Variants in ACSF3 observed in about 807,000 individuals in gnomAD.
ACSF3 encodes malonate--CoA ligase ACSF3, mitochondrial.
In ACSF3, 78 loss-of-function variants were observed where a neutral mutation model predicts 53.2. The ratio of observed to expected loss-of-function variants is 1.47; its 90% CI spans 1.22 to 1.77. ACSF3 has a LOEUF of 1.77. Among genes scored for constraint, ACSF3 ranks in the 40% most tolerant of loss-of-function variants. ACSF3 has a pLI of 0.00. For synonymous variants in ACSF3, 414 were observed against 333.1 expected, an observed-to-expected ratio of 1.24 and a Z score of -2.65; for missense variants, 937 against 771.1, an observed-to-expected ratio of 1.22 and a Z score of -2.55.
At chr16:89,124,450 G>T (rs537456653) in intron 7 of ACSF3, among the ~76,000 whole-genome samples, 4 of 150,538 alleles carry the variant, frequency 2.7e-5, no homozygotes, top group South Asian at 2.1e-4. Context: ...TGTGATACCC[G>T]TGCGTACTCT....
intron 4 of ACSF3, among the ~76,000 whole-genome samples, chr16:89,104,142 C>T (rs1975692641): frequency 1.3e-5 from 2 of 152,230 alleles, no homozygotes; most frequent in Admixed American, 1.3e-4. Context: ...GTGCGTATGT[C>T]ACAGGTGTGG....
intron 7 of ACSF3, among the ~76,000 whole-genome samples, chr16:89,123,230 G>A (rs534339566): frequency 9.9e-5 from 15 of 152,252 alleles, no homozygotes; most frequent in African/African-American, 2.6e-4. Context: ...TGTGCCCTCC[G>A]ACACCTGAGA....
In ACSF3 at chr16:89,141,197, C is replaced by G. The variant is rs564329047; in HGVS notation, c.1367-4070C>G. The G allele has an allele frequency of 1.6e-4, 208 of 1,287,254 alleles. 5 individuals carry two copies. In the South Asian group the frequency reaches 1.9e-3, roughly 12 times the overall value. 79.7% of individuals were successfully genotyped at this position (1,287,254 alleles called of 1,614,324 possible). On this transcript the variant is annotated intron_variant, in intron 8 of 10. Transcript: ENST00000614302. ...TGTTTAAACCCTGGCTCCGATGCCT[C>G]TGAGCCCTTGATAGCAGCGTCCCAG...
At chr16:89,121,621 C>G (rs1906669987) in intron 7 of ACSF3, among the ~76,000 whole-genome samples, 1 of 152,218 alleles carries the variant, frequency 6.6e-6, no homozygotes, top group Non-Finnish European at 1.5e-5. Flanking sequence ...AGTATCCACA[C>G]CTGATACCAC....
intron 7 of ACSF3, among the ~76,000 whole-genome samples, chr16:89,125,460 A>G (rs1645630195): frequency 6.6e-6 from 1 of 152,178 alleles, no homozygotes; most frequent in African/African-American, 2.4e-5. Flanking sequence ...TGGGAGGCCA[A>G]GGCAGGCTAA....
intron 1 of ACSF3, 35 bp from the exon 2 acceptor site, chr16:89,098,556 C>A: frequency 2.3e-6 from 1 of 432,028 alleles, no homozygotes; most frequent in South Asian, 1.6e-5. Flanking sequence ...GTTATACACA[C>A]AGCCTGGGAC....
chr16:89,135,510 G>A (rs1324998664), intron 8 of ACSF3, among the ~76,000 whole-genome samples: 1 of 152,260 alleles, frequency 6.6e-6, no homozygotes, highest in African/African-American at 2.4e-5. Flanking sequence ...TTCGTGGGCT[G>A]GACATCAGCA....
chr16:89,097,688 T>C (rs1318296856), intron 1 of ACSF3, among the ~76,000 whole-genome samples: 1 of 152,228 alleles, frequency 6.6e-6, no homozygotes, highest in African/African-American at 2.4e-5. Context: ...CCAGTTGTTT[T>C]CTTGCCATTC....
chr16:89,123,533 T>C (rs1907175770), intron 7 of ACSF3, among the ~76,000 whole-genome samples: 1 of 152,176 alleles, frequency 6.6e-6, no homozygotes, highest in Non-Finnish European at 1.5e-5. Flanking sequence ...TCCACTCTTG[T>C]CTGTGCCGAG....
chr16:89,153,736 A>G lies in ACSF3; in HGVS notation c.1614-354A>G, dbSNP rs1227543844. On this transcript the variant is annotated intron_variant, in intron 10 of 10. Coordinates refer to ENST00000614302, the MANE Select transcript of ACSF3 (RefSeq NM_001243279.3). ...GCCACAGAGTGAAATGGGGCCTTCC[A>G]GCTCCAGTGCGGGGACTTGGAAGGC... 3 of 354,232 alleles carry G rather than the reference A, an allele frequency of 8.5e-6. No individual in the cohort carries two copies. The East Asian group carries it at 2.0e-4, about 24-fold the overall frequency. 21.9% of individuals were successfully genotyped at this position (354,232 alleles called of 1,614,324 possible).
At chr16:89,143,940 T>C (rs1912389903) in intron 8 of ACSF3, among the ~76,000 whole-genome samples, 1 of 152,222 alleles carries the variant, frequency 6.6e-6, no homozygotes, top group Admixed American at 6.5e-5. Flanking sequence ...ATTTATGATT[T>C]ATTCCAGCTA....
intron 7 of ACSF3, among the ~76,000 whole-genome samples, chr16:89,123,614 A>G (rs1389673766): frequency 6.6e-6 from 1 of 152,186 alleles, no homozygotes; most frequent in Non-Finnish European, 1.5e-5. Flanking sequence ...GGCCATCCCT[A>G]GGCCTGTGGA....
chr16:89,111,113 G>T (rs2151440774), intron 4 of ACSF3, among the ~76,000 whole-genome samples: 1 of 152,218 alleles, frequency 6.6e-6, no homozygotes, highest in African/African-American at 2.4e-5. Context: ...TCCTTAATCT[G>T]CTTATTGCAG....
intron 4 of ACSF3, among the ~76,000 whole-genome samples, chr16:89,108,704 C>T (rs969422312): frequency 2.6e-5 from 4 of 152,206 alleles, no homozygotes; most frequent in Non-Finnish European, 5.9e-5. Flanking sequence ...CCATGTTCTA[C>T]TGTGTGTATT....
chr16:89,152,021 G>A (rs1213156337), intron 10 of ACSF3: 1 of 152,224 alleles, frequency 6.6e-6, no homozygotes, highest in East Asian at 1.9e-4. Flanking sequence ...GGAGAAGAAG[G>A]AAAATCCTTG....
rs745534420 is a variant in ACSF3, at chr16:89,146,034, T to C, written c.1598T>C (p.Leu533Pro). 1.7e-6 allele frequency: 1 copy of C among 599,602 alleles called. No individual in the cohort carries two copies. 37.1% of individuals were successfully genotyped at this position (599,602 alleles called of 1,614,324 possible). The change falls in exon 10 of 11, where the codon CTC becomes CCC. Residue 533 changes from leucine to proline, a missense_variant. Leu to Pro is a moderately conservative substitution (Grantham distance 98). Coordinates refer to ENST00000614302, the MANE Select transcript of ACSF3 (RefSeq NM_001243279.3). ...REGHSLSHRE[L>P]KEWARNVLAP... ...GGACACTCACTGTCCCACAGGGAGCTCAAAGAGTGGGCCAGGTAGGGCTGG... is the reference window on the plus strand; with the variant it reads ...GGACACTCACTGTCCCACAGGGAGCCCAAAGAGTGGGCCAGGTAGGGCTGG...
chr16:89,139,940 C>A (rs1911422045), intron 8 of ACSF3, among the ~76,000 whole-genome samples: 1 of 152,218 alleles, frequency 6.6e-6, no homozygotes, highest in African/African-American at 2.4e-5. Flanking sequence ...CCCCAGACCC[C>A]TGAGCCCAGG....
At chr16:89,121,816 T>G (rs1446304285) in intron 7 of ACSF3, among the ~76,000 whole-genome samples, 1 of 152,212 alleles carries the variant, frequency 6.6e-6, no homozygotes, top group Non-Finnish European at 1.5e-5. Flanking sequence ...TCCTTGTACC[T>G]TGGTTTCCAC....
intron 7 of ACSF3, among the ~76,000 whole-genome samples, chr16:89,128,720 C>G (rs1054820090): frequency 2.0e-5 from 3 of 152,110 alleles, no homozygotes; most frequent in African/African-American, 7.2e-5. Context: ...TAGTTTAAGT[C>G]CATTACAGTC....
Sources: gnomAD v4.1 joint callset for allele counts (sites outside exome capture counted in the v4.1 genomes callset) on GRCh38, gnomAD v4.1.1 for gene constraint, MANE v1.5 for transcripts, NCBI Gene and HGNC (gene_info 2026-07-23, HGNC 2026-07-21) for gene names.